Variants in CCDC88A observed in about 807,000 individuals in gnomAD.
CCDC88A encodes girdin.
In CCDC88A, 54 loss-of-function variants were observed where a neutral mutation model predicts 234.3. The observed-to-expected ratio is 0.23, with a 90% CI of 0.19 to 0.29. CCDC88A has a LOEUF of 0.29. CCDC88A is among the 10% of genes least tolerant of loss of function. The pLI is 1.00. For synonymous variants in CCDC88A, 753 were observed against 737.8 expected (o/e 1.02, Z -0.33); for missense variants, 1,832 against 2,123.4 (o/e 0.86, Z 2.70).
At position 55,290,187 on chromosome 2, in the gene CCDC88A, C is replaced by T. The variant is rs1025035852; in HGVS notation, c.*1013G>A. 2.0e-4 allele frequency: 31 copies of T among 152,288 alleles called. No homozygotes were observed. Among genetic ancestry groups the T allele is most frequent in the Non-Finnish European group, 8.8e-5 (6 of 67,894 alleles). 9.4% of individuals were successfully genotyped at this position (152,288 alleles called of 1,614,324 possible). ...TTTCAAAAGTACCAATAACAGTTAT[C>T]AACTTTAATGTAATATCATAAAGGA... On this transcript the variant is annotated 3_prime_UTR_variant, in exon 33 of 33. Coordinates refer to ENST00000436346, the MANE Select transcript of CCDC88A (RefSeq NM_001365480.1).
At chr2:55,392,145 T>A (rs1199690867) in intron 2 of CCDC88A, among the ~76,000 whole-genome samples, 1 of 152,184 alleles carries the variant, frequency 6.6e-6, no homozygotes, top group Admixed American at 6.5e-5. Flanking sequence ...CCTATTAATA[T>A]ATGGGCCTGG....
chr2:55,307,003 AC>A (rs1228595916), intron 25 of CCDC88A, among the ~76,000 whole-genome samples: 2 of 152,164 alleles, frequency 1.3e-5, no homozygotes, highest in Non-Finnish European at 2.9e-5. Context: ...TGGAGAGTCT[AC>A]CCCTGGGAGA....
chr2:55,337,111 A>C (rs1376075143), intron 13 of CCDC88A: 2 of 201,206 alleles, frequency 9.9e-6, no homozygotes, highest in Non-Finnish European at 2.0e-5. Flanking sequence ...AGAACTATAC[A>C]AACTTTATTT....
At chr2:55,321,487 C>T (rs1683626685) in intron 18 of CCDC88A, among the ~76,000 whole-genome samples, 1 of 151,810 alleles carries the variant, frequency 6.6e-6, no homozygotes, top group African/African-American at 2.4e-5. Context: ...GGAGGCAGAG[C>T]TGGCAGTGAG....
chr2:55,350,799 A>G (rs371515659), intron 8 of CCDC88A, among the ~76,000 whole-genome samples: 10 of 152,204 alleles, frequency 6.6e-5, no homozygotes, highest in African/African-American at 1.2e-4. Flanking sequence ...AGCTGGGACT[A>G]TAGGCATGTG....
At chr2:55,409,124 C>G (rs972122004) in intron 2 of CCDC88A, among the ~76,000 whole-genome samples, 5 of 152,158 alleles carry the variant, frequency 3.3e-5, no homozygotes, top group African/African-American at 1.2e-4. Flanking sequence ...AGCCATCAAC[C>G]CTGCATGACA....
chr2:55,369,147 G>A (rs1672450045), intron 5 of CCDC88A, among the ~76,000 whole-genome samples: 1 of 151,978 alleles, frequency 6.6e-6, no homozygotes, highest in Non-Finnish European at 1.5e-5. Flanking sequence ...CAATTCTCCT[G>A]CCTCAACTTC....
At chr2:55,387,357 G>T (rs1198303133) in intron 3 of CCDC88A, among the ~76,000 whole-genome samples, 1 of 152,064 alleles carries the variant, frequency 6.6e-6, no homozygotes, top group Admixed American at 6.6e-5. Context: ...TTCCATAAAA[G>T]GGTAAAGATA....
chr2:55,386,300 C>T (rs1675617990), intron 3 of CCDC88A, among the ~76,000 whole-genome samples: 1 of 151,296 alleles, frequency 6.6e-6, no homozygotes. Context: ...CCTAAAACTG[C>T]ATACTTAAAA....
intron 12 of CCDC88A, among the ~76,000 whole-genome samples, chr2:55,342,307 C>G (rs929736489): frequency 6.6e-6 from 1 of 152,058 alleles, no homozygotes; most frequent in Non-Finnish European, 1.5e-5. Context: ...ACATACACCA[C>G]AGTAAAGCAA....
intron 5 of CCDC88A, among the ~76,000 whole-genome samples, chr2:55,370,408 G>A (rs13383527): frequency 0.062 from 9,356 of 152,026 alleles, 919 homozygotes; most frequent in African/African-American, 0.2. Flanking sequence ...TTGGAAGGCC[G>A]AGGCGGGCAG....
chr2:55,418,055 C>A (rs1330821411), intron 2 of CCDC88A: 1 of 152,070 alleles, frequency 6.6e-6, no homozygotes, highest in African/African-American at 2.4e-5. Context: ...TTTTACTGAT[C>A]CAGCTACCAA....
chr2:55,337,066 C>A, intron 13 of CCDC88A: 3 of 303,512 alleles, frequency 9.9e-6, no homozygotes, highest in Non-Finnish European at 1.8e-5. Context: ...AACACAAAGA[C>A]AAATCCAGCT....
At chr2:55,412,987 T>C (rs1202495876) in intron 2 of CCDC88A, among the ~76,000 whole-genome samples, 1 of 152,168 alleles carries the variant, frequency 6.6e-6, no homozygotes, top group East Asian at 1.9e-4. Context: ...GAGGATCACT[T>C]GAACCCAGGA....
chr2:55,349,429 G>T, intron 9 of CCDC88A, 89 bp downstream of exon 9: 2 of 911,722 alleles, frequency 2.2e-6, no homozygotes, highest in Non-Finnish European at 3.5e-6. Flanking sequence ...TTTACATAAA[G>T]CATTGAAGTA....
intron 23 of CCDC88A, among the ~76,000 whole-genome samples, chr2:55,310,450 C>A (rs1390773623): frequency 6.6e-6 from 1 of 152,104 alleles, no homozygotes; most frequent in Non-Finnish European, 1.5e-5. Context: ...CATGCCGCAG[C>A]ATTTGCCTGT....
At chr2:55,341,703 A>G (rs1290685731) in intron 12 of CCDC88A, among the ~76,000 whole-genome samples, 1 of 152,104 alleles carries the variant, frequency 6.6e-6, no homozygotes, top group Non-Finnish European at 1.5e-5. Context: ...TCGGCCTCCC[A>G]AAGTGCTGGG....
In CCDC88A at chr2:55,409,738, C is replaced by CTTTTTTTTT. The variant is rs61703330; in HGVS notation, c.164+9069_164+9077dup. Among the ~76,000 whole-genome samples, 161 of 111,666 alleles carry CTTTTTTTTT rather than the reference C, an allele frequency of 1.4e-3. 7 individuals carry two copies. The highest frequency in any genetic ancestry group is 8.9e-3 in the East Asian group (24 of 2,710). The allele number at this position is 111,666 out of a possible 152,430, so 73.3% of individuals were successfully genotyped here. On this transcript the variant is annotated intron_variant, in intron 2 of 32. Coordinates refer to ENST00000436346, the MANE Select transcript of CCDC88A (RefSeq NM_001365480.1). ...CAGGGGGATGTGCCTATATACCTCCCTTTTTTTTTTTTTTTTTTTTTTCAG... is the reference window on the plus strand; with the variant it reads ...CAGGGGGATGTGCCTATATACCTCCCTTTTTTTTTTTTTTTTTTTTTTTTTTTTTTTCAG...
intron 5 of CCDC88A, among the ~76,000 whole-genome samples, chr2:55,364,702 T>A (rs1006184053): frequency 1.3e-5 from 2 of 152,122 alleles, no homozygotes; most frequent in Admixed American, 6.6e-5. Context: ...TAATTCTTTA[T>A]TGTGTAACTT....
Sources: gnomAD v4.1 joint callset for allele counts (sites outside exome capture counted in the v4.1 genomes callset) on GRCh38, gnomAD v4.1.1 for gene constraint, MANE v1.5 for transcripts, NCBI Gene and HGNC (gene_info 2026-07-23, HGNC 2026-07-21) for gene names.